Variants in UHRF2 observed in about 807,000 individuals in gnomAD.
The protein encoded by UHRF2 is ubiquitin like with PHD and ring finger domains 2.
Under a neutral mutation model 96.8 loss-of-function variants are expected in UHRF2, and 23 were observed. The observed-to-expected ratio is 0.24, with a 90% CI of 0.17 to 0.34. UHRF2 has a LOEUF of 0.34. Ranked by LOEUF, UHRF2 falls within the 10% of genes least tolerant of loss-of-function variation. The pLI is 1.00. For synonymous variants in UHRF2, 385 were observed against 332.6 expected (o/e 1.16, Z -1.72); for missense variants, 685 against 981.5 (o/e 0.70, Z 4.04).
rs1230605576 is a variant in UHRF2 at position 6,504,601 on chromosome 9, G to C, written c.2172G>C (p.Leu724=). 6.2e-7 allele frequency: 1 copy of C among 1,612,476 alleles called. No homozygotes were observed. The highest frequency in any genetic ancestry group is 8.5e-7 in the Non-Finnish European group (1 of 1,179,082). ...LSHLVEGPNF[L]KKLEQSFMCV... Reference sequence around the variant, plus strand: ...CTTGGATACTGTTCTAGAATTTTCTGAAAAAATTGGAACAATCTTTTATGT... The same window carrying C: ...CTTGGATACTGTTCTAGAATTTTCTCAAAAAATTGGAACAATCTTTTATGT... The change falls in exon 15 of 16, where the codon CTG becomes CTC. Residue 724 remains leucine, a synonymous_variant. Coordinates refer to ENST00000276893, the MANE Select transcript of UHRF2 (RefSeq NM_152896.3).
chr9:6,475,151 TC>T (rs1823488037), intron 4 of UHRF2, among the ~76,000 whole-genome samples: 1 of 152,320 alleles, frequency 6.6e-6, no homozygotes, highest in African/African-American at 2.4e-5. Context: ...GTTAGCTACT[TC>T]TTACCAGATT....
At chr9:6,437,111 TTATAAAA>T (rs1820896311) in intron 3 of UHRF2, among the ~76,000 whole-genome samples, 1 of 152,216 alleles carries the variant, frequency 6.6e-6, no homozygotes, top group Non-Finnish European at 1.5e-5. Context: ...GAAAAATGAA[TTATAAAA>T]TATAATGAAG....
At chr9:6,466,113 G>A (rs1822842296) in intron 4 of UHRF2, among the ~76,000 whole-genome samples, 2 of 152,210 alleles carry the variant, frequency 1.3e-5, no homozygotes, top group African/African-American at 4.8e-5. Context: ...TAAAACTACA[G>A]ATAAAGGCCG....
At chr9:6,476,090 G>A (rs1370638502) in intron 5 of UHRF2, among the ~76,000 whole-genome samples, 3 of 152,034 alleles carry the variant, frequency 2.0e-5, no homozygotes, top group Non-Finnish European at 4.4e-5. Context: ...ACCTGCACAA[G>A]ATCAATTTTT....
At chr9:6,477,198 C>G (rs1453440999) in intron 5 of UHRF2, among the ~76,000 whole-genome samples, 2 of 151,100 alleles carry the variant, frequency 1.3e-5, no homozygotes, top group African/African-American at 4.9e-5. Context: ...GGCACCATTG[C>G]ACTCCAGCCT....
At chr9:6,468,674 G>T (rs1299396446) in intron 4 of UHRF2, 9 of 455,920 alleles carry the variant, frequency 2.0e-5, no homozygotes, top group African/African-American at 1.8e-4. Flanking sequence ...GTTGAATACT[G>T]GACTTCTGCT....
chr9:6,501,759 G>A (rs1587887876), intron 14 of UHRF2, among the ~76,000 whole-genome samples: 2 of 152,190 alleles, frequency 1.3e-5, no homozygotes, highest in African/African-American at 4.8e-5. Context: ...GTCTGACTTT[G>A]TTAGGTCACA....
intron 2 of UHRF2, among the ~76,000 whole-genome samples, chr9:6,425,587 T>C (rs1820209726): frequency 6.6e-6 from 1 of 151,070 alleles, no homozygotes; most frequent in South Asian, 2.1e-4. Flanking sequence ...AAACCCCATC[T>C]CTGCCGAAAA....
chr9:6,485,815 A>C (rs1275490379), intron 8 of UHRF2, among the ~76,000 whole-genome samples: 4 of 141,154 alleles, frequency 2.8e-5, no homozygotes, highest in Non-Finnish European at 4.4e-5. Flanking sequence ...AAAAAAAAAA[A>C]AAAAAAAAAA....
chr9:6,458,371 GTTC>G (rs1474350896), intron 3 of UHRF2, among the ~76,000 whole-genome samples: 1 of 151,434 alleles, frequency 6.6e-6, no homozygotes, highest in Non-Finnish European at 1.5e-5. Context: ...TGTCTATTTG[GTTC>G]TTCTCTCTTT....
At chr9:6,434,281 GGTTAT>G in intron 3 of UHRF2, 108 bp downstream of exon 3, 1 of 1,335,806 alleles carries the variant, frequency 7.5e-7, no homozygotes, top group Non-Finnish European at 9.9e-7. Context: ...ATCCTTTAGA[GGTTAT>G]GTTCATTTGT....
intron 2 of UHRF2, among the ~76,000 whole-genome samples, chr9:6,424,954 A>G (rs1463688846): frequency 3.9e-5 from 6 of 152,042 alleles, no homozygotes; most frequent in African/African-American, 9.7e-5. Flanking sequence ...TCAGTATTCT[A>G]TTTGCTAAGT....
At chr9:6,420,888 C>T in intron 1 of UHRF2, 24 bp from the exon 2 acceptor site, 2 of 1,566,772 alleles carry the variant, frequency 1.3e-6, no homozygotes, top group Non-Finnish European at 1.8e-6. Flanking sequence ...AGAAGCATTT[C>T]ACTATTCTTT....
At chr9:6,445,973 C>A (rs1466220173) in intron 3 of UHRF2, among the ~76,000 whole-genome samples, 1 of 115,336 alleles carries the variant, frequency 8.7e-6, no homozygotes, top group Non-Finnish European at 1.8e-5. Flanking sequence ...TCTTCCCCCC[C>A]CGCCACCCTT....
intron 4 of UHRF2, among the ~76,000 whole-genome samples, chr9:6,465,731 T>A (rs1822822692): frequency 6.6e-6 from 1 of 152,174 alleles, no homozygotes. Context: ...TGATCCTCTC[T>A]ATTGTATTGA....
chr9:6,466,724 A>G (rs116549319), intron 4 of UHRF2, among the ~76,000 whole-genome samples: 164 of 152,300 alleles, frequency 1.1e-3, no homozygotes, highest in African/African-American at 3.8e-3. Flanking sequence ...ATCAAGTTGT[A>G]AGTCACTGGT....
intron 3 of UHRF2, among the ~76,000 whole-genome samples, chr9:6,451,800 T>TTGTTG (rs1244625500): frequency 4.6e-5 from 1 of 21,628 alleles, no homozygotes; most frequent in Non-Finnish European, 1.2e-4. Context: ...TGTTGTTGTT[T>TTGTTG]TTGAGACAGA....
chr9:6,462,324 T>TAA (rs770054900), intron 4 of UHRF2, among the ~76,000 whole-genome samples: 4 of 141,538 alleles, frequency 2.8e-5, no homozygotes, highest in African/African-American at 5.2e-5. Context: ...TCCTGAGATT[T>TAA]AAAAAAAAAA....
intron 5 of UHRF2, 21 bp from the exon 6 acceptor site, chr9:6,477,601 C>G (rs1202941146): frequency 3.8e-6 from 6 of 1,574,098 alleles, no homozygotes; most frequent in Non-Finnish European, 4.3e-6. Context: ...ACTAGACTTG[C>G]TATAATTTTG....
Sources: allele counts gnomAD v4.1 joint callset (sites outside exome capture counted in the v4.1 genomes callset), GRCh38; gene constraint gnomAD v4.1.1; transcripts MANE v1.5; gene names NCBI Gene and HGNC (gene_info 2026-07-23, HGNC 2026-07-21).